ATP10A: variants seen among roughly 807,000 people sequenced by gnomAD.
ATP10A encodes ATPase phospholipid transporting 10A (putative), also known as phospholipid-transporting ATPase VA.
In ATP10A, 111 loss-of-function variants were observed where a neutral mutation model predicts 147.8. The ratio of observed to expected loss-of-function variants is 0.75; its 90% CI spans 0.64 to 0.88. ATP10A has a LOEUF of 0.88. Among genes scored for constraint, ATP10A ranks in the 40% least tolerant of loss-of-function variants. The pLI, the probability that ATP10A is intolerant of heterozygous loss-of-function variation, is 0.00. For synonymous variants in ATP10A, 875 were observed against 841.6 expected (o/e 1.04, Z -0.69); for missense variants, 1,927 against 1,959.0 (o/e 0.98, Z 0.31).
At chr15:25,685,201 C>T (rs1899644194) in intron 16 of ATP10A, among the ~76,000 whole-genome samples, 2 of 152,140 alleles carry the variant, frequency 1.3e-5, no homozygotes, top group Non-Finnish European at 1.5e-5. Context: ...AGAAAGGCCA[C>T]CTTATTCCTA....
chr15:25,768,169 C>G (rs1258362211), intron 2 of ATP10A, among the ~76,000 whole-genome samples: 1 of 152,120 alleles, frequency 6.6e-6, no homozygotes, highest in Admixed American at 6.5e-5. Flanking sequence ...ACCGCTGGAC[C>G]CTTCACAGGA....
intron 2 of ATP10A, among the ~76,000 whole-genome samples, chr15:25,772,316 GTC>G (rs1368039371): frequency 6.6e-6 from 1 of 152,034 alleles, no homozygotes; most frequent in Non-Finnish European, 1.5e-5. Flanking sequence ...AGGCCCTGAC[GTC>G]TCTGATGCTT....
chr15:25,846,345 A>T (rs976017712), intron 1 of ATP10A, among the ~76,000 whole-genome samples: 2 of 152,216 alleles, frequency 1.3e-5, no homozygotes, highest in African/African-American at 4.8e-5. Flanking sequence ...ACAATTTTTT[A>T]AAAGTAAAGC....
At chr15:25,856,507 A>G (rs1003295696) in intron 1 of ATP10A, among the ~76,000 whole-genome samples, 1 of 152,240 alleles carries the variant, frequency 6.6e-6, no homozygotes, top group African/African-American at 2.4e-5. Flanking sequence ...TAGTGATCCA[A>G]TATCAAGCAC....
intron 1 of ATP10A, among the ~76,000 whole-genome samples, chr15:25,794,772 A>G (rs1472881723): frequency 1.3e-5 from 2 of 152,240 alleles, no homozygotes; most frequent in Non-Finnish European, 2.9e-5. Context: ...TCCTTGGGTA[A>G]AATACAGTGA....
chr15:25,812,209 T>C (rs1014907591), intron 1 of ATP10A, among the ~76,000 whole-genome samples: 1 of 152,206 alleles, frequency 6.6e-6, no homozygotes, highest in Non-Finnish European at 1.5e-5. Context: ...GTTTCTGACT[T>C]TTCTCTGGTG....
In ATP10A at chr15:25,686,753, G is replaced by C. The variant is rs1395333889; in HGVS notation, c.3291+950C>G. Among the ~76,000 whole-genome samples, 3 of 107,128 alleles carry C rather than the reference G, an allele frequency of 2.8e-5. 1 individual carries two copies. Among genetic ancestry groups the C allele is most frequent in the Non-Finnish European group, 5.0e-5 (3 of 59,658 alleles). 70.3% of individuals were successfully genotyped at this position (107,128 alleles called of 152,430 possible). A position where few individuals can be genotyped will look rare whatever the true frequency, so the allele number is the denominator to read the frequency against. On this transcript the variant is annotated intron_variant, in intron 16 of 20. Coordinates refer to ENST00000555815, the MANE Select transcript of ATP10A (RefSeq NM_024490.4). The stretch of plus-strand genomic sequence containing the variant: ...GCAGCAGCAGCCTAGCAACTCCTCA[G>C]TAAAATATCTAGAAATCTCTTACAA...
chr15:25,749,991 G>C (rs1201897036), intron 2 of ATP10A, among the ~76,000 whole-genome samples: 1 of 152,072 alleles, frequency 6.6e-6, no homozygotes, highest in Non-Finnish European at 1.5e-5. Flanking sequence ...ATTTCAAGAA[G>C]CCAATATTCT....
chr15:25,817,129 C>CTGGA (rs201560519), intron 1 of ATP10A, among the ~76,000 whole-genome samples: 2,278 of 152,226 alleles, frequency 0.015, 54 homozygotes, highest in African/African-American at 0.051. Flanking sequence ...GTCACCCAGG[C>CTGGA]TGGAGTACAA....
At chr15:25,857,571 G>T (rs1178406157) in intron 1 of ATP10A, among the ~76,000 whole-genome samples, 1 of 152,196 alleles carries the variant, frequency 6.6e-6, no homozygotes, top group Non-Finnish European at 1.5e-5. Flanking sequence ...TCTGGAGTTT[G>T]CATCAGAATG....
At chr15:25,695,246 C>T in intron 13 of ATP10A, 100 bp from the exon 14 acceptor site, 1 of 1,202,892 alleles carries the variant, frequency 8.3e-7, no homozygotes. Flanking sequence ...CTTCCGGGCT[C>T]CAGGCTGCAG....
chr15:25,700,392 T>C (rs1900593968), intron 13 of ATP10A, among the ~76,000 whole-genome samples: 1 of 152,252 alleles, frequency 6.6e-6, no homozygotes, highest in African/African-American at 2.4e-5. Context: ...CACACATTTA[T>C]AGAAGTGCTG....
intron 15 of ATP10A, among the ~76,000 whole-genome samples, chr15:25,691,066 G>T (rs927627574): frequency 2.0e-5 from 3 of 152,056 alleles, no homozygotes; most frequent in Non-Finnish European, 4.4e-5. Context: ...GCGAGTAAGT[G>T]GTATCAACAT....
chr15:25,795,168 C>T (rs1213819631), intron 1 of ATP10A, among the ~76,000 whole-genome samples: 1 of 152,160 alleles, frequency 6.6e-6, no homozygotes, highest in Non-Finnish European at 1.5e-5. Flanking sequence ...TGTGACCGCG[C>T]AAGCATACAA....
At chr15:25,808,448 A>G (rs555662176) in intron 1 of ATP10A, among the ~76,000 whole-genome samples, 61 of 152,332 alleles carry the variant, frequency 4.0e-4, no homozygotes, top group African/African-American at 1.4e-3. Context: ...GCAATGGCAC[A>G]ATCTCGGCTC....
chr15:25,751,151 A>G (rs567634628), intron 2 of ATP10A, among the ~76,000 whole-genome samples: 1 of 152,288 alleles, frequency 6.6e-6, no homozygotes, highest in Middle Eastern at 3.4e-3. Flanking sequence ...TAACTAGTCA[A>G]AAGAAAGCTA....
intron 1 of ATP10A, among the ~76,000 whole-genome samples, chr15:25,846,717 T>G (rs779817012): frequency 6.6e-6 from 1 of 152,200 alleles, no homozygotes; most frequent in Admixed American, 6.5e-5. Flanking sequence ...CATCACAACA[T>G]AAAGCTCCTG....
At chr15:25,748,505 G>C (rs1340907434) in intron 2 of ATP10A, among the ~76,000 whole-genome samples, 2 of 151,900 alleles carry the variant, frequency 1.3e-5, no homozygotes, top group Non-Finnish European at 2.9e-5. Flanking sequence ...AGTTTGTAAG[G>C]GCTATTCACC....
chr15:25,792,873 C>CT (rs56011953), intron 1 of ATP10A, among the ~76,000 whole-genome samples: 20,074 of 134,036 alleles, frequency 0.15, 1,708 homozygotes, highest in Non-Finnish European at 0.18. Context: ...CCTTTTCAAT[C>CT]TTTTTTTTTT....
Sources: gnomAD v4.1 joint callset for allele counts (sites outside exome capture counted in the v4.1 genomes callset) on GRCh38, gnomAD v4.1.1 for gene constraint, MANE v1.5 for transcripts, NCBI Gene and HGNC (gene_info 2026-07-23, HGNC 2026-07-21) for gene names.